The following CHRNA7 variants were observed in gnomAD, a reference collection of about 807,000 sequenced individuals.
CHRNA7 encodes neuronal acetylcholine receptor subunit alpha-7.
In CHRNA7, 17 loss-of-function variants were observed where a neutral mutation model predicts 48.0. The ratio of observed to expected loss-of-function variants is 0.35; its 90% CI spans 0.24 to 0.53. The LOEUF (loss-of-function observed/expected upper bound fraction) is 0.53. CHRNA7 is among the 20% of genes least tolerant of loss of function. The pLI, the probability that CHRNA7 is intolerant of heterozygous loss-of-function variation, is 0.92. For missense variants in CHRNA7, 155 were observed against 577.7 expected, an observed-to-expected ratio of 0.27 and a Z score of 7.50; for synonymous variants, 75 against 242.3, an observed-to-expected ratio of 0.31 and a Z score of 6.41.
intron 2 of CHRNA7, among the ~76,000 whole-genome samples, chr15:32,033,092 T>C (rs556398591): frequency 1.3e-5 from 2 of 152,198 alleles, no homozygotes; most frequent in South Asian, 4.1e-4. Context: ...CCAGAGGTCA[T>C]GGGAAGGGGG....
intron 2 of CHRNA7, among the ~76,000 whole-genome samples, chr15:32,095,058 A>G (rs1028866025): frequency 7.2e-5 from 11 of 152,246 alleles, no homozygotes; most frequent in African/African-American, 2.7e-4. Context: ...AGTCTCAGAA[A>G]AGTTCAGGGG....
chr15:32,106,508 A>C (rs2141270436), intron 3 of CHRNA7, among the ~76,000 whole-genome samples: 1 of 152,102 alleles, frequency 6.6e-6, no homozygotes, highest in South Asian at 2.1e-4. Context: ...CTCTCTGTTC[A>C]CCTCTTCATG....
At chr15:32,114,020 A>ATATATATATATATATATATG (rs2141283694) in intron 4 of CHRNA7, among the ~76,000 whole-genome samples, 1 of 20,940 alleles carries the variant, frequency 4.8e-5, no homozygotes, top group East Asian at 1.9e-3. Context: ...CTATCTCCAA[A>ATATATATATATATATATATG]TATATATATA....
intron 3 of CHRNA7, among the ~76,000 whole-genome samples, chr15:32,105,422 G>A (rs1221637117): frequency 1.3e-5 from 2 of 151,132 alleles, no homozygotes; most frequent in African/African-American, 4.9e-5. Flanking sequence ...AGGTGGAGGA[G>A]GAGAAGGAAA....
At chr15:32,114,324 A>G (rs1353777498) in intron 4 of CHRNA7, among the ~76,000 whole-genome samples, 1 of 152,000 alleles carries the variant, frequency 6.6e-6, no homozygotes, top group Non-Finnish European at 1.5e-5. Context: ...TTGTAATTGA[A>G]TTTCAAGGAG....
chr15:32,109,239 G>A (rs750498853), intron 3 of CHRNA7, among the ~76,000 whole-genome samples: 2 of 152,176 alleles, frequency 1.3e-5, no homozygotes, highest in Non-Finnish European at 2.9e-5. Flanking sequence ...GTAACTTCCT[G>A]ATGTTGCCTT....
intron 4 of CHRNA7, among the ~76,000 whole-genome samples, chr15:32,116,405 A>T (rs1438146866): frequency 6.6e-6 from 1 of 152,236 alleles, no homozygotes; most frequent in Non-Finnish European, 1.5e-5. Flanking sequence ...GTAACAAGTC[A>T]TGCTGCTGCC....
chr15:32,078,662 CA>C lies in CHRNA7; in HGVS notation c.196-22624del, dbSNP rs71113442. 3.2e-3 allele frequency among the ~76,000 whole-genome samples: 321 copies of C among 99,424 alleles called. 1 individual carries two copies. Among genetic ancestry groups the C allele is most frequent in the South Asian group, 0.011 (30 of 2,702 alleles). 65.2% of individuals were successfully genotyped at this position (99,424 alleles called of 152,430 possible). A position where few individuals can be genotyped will look rare whatever the true frequency, so the allele number is the denominator to read the frequency against. On this transcript the variant is annotated intron_variant, in intron 2 of 9. Transcript: ENST00000306901. ...GAGGCAGTAATAAAAGCCTACCAAC[CA>C]AAAAAAAAAAAAAAAAGCCCAGGAC...
intron 3 of CHRNA7, among the ~76,000 whole-genome samples, chr15:32,104,408 C>A (rs1344940307): frequency 6.6e-6 from 1 of 152,110 alleles, no homozygotes; most frequent in Non-Finnish European, 1.5e-5. Context: ...CTTTGAGCTC[C>A]GATGTACTGT....
chr15:32,050,253 T>C lies in CHRNA7; in HGVS notation c.195+19216T>C, dbSNP rs7178564. ...TCCTGCAGAGTGTTTTCCAACTTGG[T>C]TCCATTCTCCCCGTCATTTTCAGGT... is the stretch of plus-strand genomic sequence containing the variant. On this transcript the variant is annotated intron_variant, in intron 2 of 9. Coordinates refer to ENST00000306901, the MANE Select transcript of CHRNA7 (RefSeq NM_000746.6). 8.1e-3 allele frequency among the ~76,000 whole-genome samples: 1,232 copies of C among 152,338 alleles called. 16 individuals are homozygous for C. Among genetic ancestry groups the C allele is most frequent in the African/African-American group, 0.026 (1,095 of 41,574 alleles).
chr15:32,098,668 T>C (rs1206723735), intron 2 of CHRNA7: 1 of 152,208 alleles, frequency 6.6e-6, no homozygotes, highest in East Asian at 1.9e-4. Context: ...ACTGTGGTAT[T>C]GCAGGATCAC....
At chr15:32,081,137 C>T (rs1478342279) in intron 2 of CHRNA7, among the ~76,000 whole-genome samples, 3 of 152,160 alleles carry the variant, frequency 2.0e-5, no homozygotes, top group South Asian at 2.1e-4. Flanking sequence ...CAGGGCCTGT[C>T]GGGTGGGGTC....
intron 4 of CHRNA7, among the ~76,000 whole-genome samples, chr15:32,122,125 A>G (rs564929526): frequency 8.5e-5 from 13 of 152,236 alleles, no homozygotes; most frequent in African/African-American, 2.9e-4. Flanking sequence ...ACATTTTGTA[A>G]TCCCCCCAAG....
At chr15:32,066,553 T>C (rs933622731) in intron 2 of CHRNA7, among the ~76,000 whole-genome samples, 10 of 152,222 alleles carry the variant, frequency 6.6e-5, no homozygotes, top group African/African-American at 2.4e-4. Context: ...GTACTGGGAT[T>C]ACAGGCATGA....
At position 32,172,324 on chromosome 15, in the gene CHRNA7, G is replaced by T; in HGVS notation, c.*3866G>T. On this transcript the variant is annotated 3_prime_UTR_variant, in exon 10 of 10. Transcript: ENST00000306901. ...CTACTTGTTTCTAAGGTATACTTTT[G>T]ACTTCTCCTTTCCAATGTGTCTCTT... 1 of 38,698 alleles carries T rather than the reference G, an allele frequency of 2.6e-5. No homozygotes were observed. Among genetic ancestry groups the T allele is most frequent in the Non-Finnish European group, 6.4e-5 (1 of 15,724 alleles). The allele number at this position is 38,698 out of a possible 1,614,324, so 2.4% of individuals were successfully genotyped here. A position where few individuals can be genotyped will look rare whatever the true frequency, so the allele number is the denominator to read the frequency against.
chr15:32,110,566 C>T (rs1415316966), intron 3 of CHRNA7, among the ~76,000 whole-genome samples: 1 of 152,182 alleles, frequency 6.6e-6, no homozygotes, highest in African/African-American at 2.4e-5. Context: ...GCTGCCTGCC[C>T]TCCTCAGAGA....
intron 4 of CHRNA7, among the ~76,000 whole-genome samples, chr15:32,115,712 G>A (rs1362149096): frequency 6.6e-6 from 1 of 152,070 alleles, no homozygotes; most frequent in Non-Finnish European, 1.5e-5. Flanking sequence ...TCCTGTCCAC[G>A]ATGGCACTTA....
intron 3 of CHRNA7, among the ~76,000 whole-genome samples, chr15:32,109,455 G>A (rs1214148167): frequency 1.3e-5 from 2 of 152,178 alleles, no homozygotes; most frequent in African/African-American, 4.8e-5. Context: ...TGGGAATGCA[G>A]CCCAGTAGGA....
At chr15:32,089,569 G>C (rs202212765) in intron 2 of CHRNA7, among the ~76,000 whole-genome samples, 1 of 152,290 alleles carries the variant, frequency 6.6e-6, no homozygotes, top group African/African-American at 2.4e-5. Context: ...CTTTCTGAGA[G>C]TTTCTGCTGA....
Sources: allele counts gnomAD v4.1 joint callset (sites outside exome capture counted in the v4.1 genomes callset), GRCh38; gene constraint gnomAD v4.1.1; transcripts MANE v1.5; gene names NCBI Gene and HGNC (gene_info 2026-07-23, HGNC 2026-07-21).